Variants in LCLAT1 observed in about 807,000 individuals in gnomAD.
LCLAT1 encodes lysocardiolipin acyltransferase 1, also known as 1-AGP acyltransferase 8.
LCLAT1 carries 11 observed loss-of-function variants against 30.7 expected under a neutral mutation model. The ratio of observed to expected loss-of-function variants is 0.36; its 90% CI spans 0.23 to 0.59. LCLAT1 has a LOEUF of 0.59. LCLAT1 is among the 20% of genes least tolerant of loss of function. The pLI, the probability that LCLAT1 is intolerant of heterozygous loss-of-function variation, is 0.77. For missense variants in LCLAT1, 402 were observed against 458.6 expected, an observed-to-expected ratio of 0.88 and a Z score of 1.13; for synonymous variants, 155 against 151.3, an observed-to-expected ratio of 1.02 and a Z score of -0.18.
At chr2:30,470,250 G>A (rs1682707256) in intron 1 of LCLAT1, among the ~76,000 whole-genome samples, 1 of 152,110 alleles carries the variant, frequency 6.6e-6, no homozygotes, top group East Asian at 1.9e-4. Context: ...AATCTATTGG[G>A]GTAATCGGGG....
intron 1 of LCLAT1, among the ~76,000 whole-genome samples, chr2:30,451,602 G>T (rs549109035): frequency 1.6e-5 from 2 of 127,110 alleles, no homozygotes; most frequent in South Asian, 5.3e-4. Context: ...AGTAAATCGT[G>T]ATATATTTAT....
intron 5 of LCLAT1, among the ~76,000 whole-genome samples, chr2:30,603,356 G>C (rs1485273860): frequency 6.6e-6 from 1 of 151,968 alleles, no homozygotes; most frequent in Non-Finnish European, 1.5e-5. Flanking sequence ...TTAAATTTCA[G>C]ACCAGCAACA....
chr2:30,488,802 C>G (rs1298694015), intron 1 of LCLAT1, among the ~76,000 whole-genome samples: 1 of 152,198 alleles, frequency 6.6e-6, no homozygotes, highest in Non-Finnish European at 1.5e-5. Context: ...CTCAGCAATC[C>G]TGAATTCTGT....
intron 5 of LCLAT1, among the ~76,000 whole-genome samples, chr2:30,613,228 C>T (rs1667825093): frequency 6.6e-6 from 1 of 152,012 alleles, no homozygotes; most frequent in East Asian, 1.9e-4. Context: ...GGTGTTCTCT[C>T]TGAGATGGGC....
chr2:30,585,539 G>A (rs571770265), intron 5 of LCLAT1, among the ~76,000 whole-genome samples: 2 of 152,194 alleles, frequency 1.3e-5, no homozygotes, highest in East Asian at 3.9e-4. Context: ...TTTGGATCTT[G>A]TCTTCAGGAA....
intron 5 of LCLAT1, among the ~76,000 whole-genome samples, chr2:30,636,559 C>A (rs77180994): frequency 0.013 from 2,032 of 152,212 alleles, 45 homozygotes; most frequent in African/African-American, 0.045. Context: ...GCCCTCCCTC[C>A]ACACTCGGTG....
intron 5 of LCLAT1, among the ~76,000 whole-genome samples, chr2:30,621,193 C>T (rs964317203): frequency 6.6e-6 from 1 of 152,100 alleles, no homozygotes; most frequent in African/African-American, 2.4e-5. Context: ...ACTACTCATC[C>T]AGATGTTGAC....
intron 1 of LCLAT1, among the ~76,000 whole-genome samples, chr2:30,514,856 A>T (rs1262357162): frequency 6.6e-6 from 1 of 152,198 alleles, no homozygotes; most frequent in African/African-American, 2.4e-5. Context: ...TCATGTTTAT[A>T]TACATTTCAC....
chr2:30,487,196 T>G (rs57783905), intron 1 of LCLAT1, among the ~76,000 whole-genome samples: 4,450 of 152,302 alleles, frequency 0.029, 95 homozygotes, highest in Middle Eastern at 0.048. Flanking sequence ...GTATTTCCCA[T>G]GGTACCCAGC....
At chr2:30,563,306 A>C (rs1363540530) in intron 4 of LCLAT1, among the ~76,000 whole-genome samples, 1 of 152,224 alleles carries the variant, frequency 6.6e-6, no homozygotes, top group Non-Finnish European at 1.5e-5. Context: ...AGTAGTTTTC[A>C]CACTTTTTAA....
At chr2:30,523,056 A>G (rs920360395) in intron 1 of LCLAT1, among the ~76,000 whole-genome samples, 2 of 152,118 alleles carry the variant, frequency 1.3e-5, no homozygotes, top group African/African-American at 2.4e-5. Context: ...AGCATTATAT[A>G]TGGATACAAC....
chr2:30,539,667 G>A (rs1199713131), intron 3 of LCLAT1, among the ~76,000 whole-genome samples: 2 of 152,106 alleles, frequency 1.3e-5, no homozygotes, highest in African/African-American at 4.8e-5. Context: ...TAAATGGTTT[G>A]TACTTCTTAA....
At chr2:30,597,940 A>G (rs760922051) in intron 5 of LCLAT1, among the ~76,000 whole-genome samples, 2 of 152,164 alleles carry the variant, frequency 1.3e-5, no homozygotes, top group Non-Finnish European at 2.9e-5. Flanking sequence ...GATGAATTAC[A>G]TTTGTTGATT....
chr2:30,575,599 C>G (rs1347377144), intron 5 of LCLAT1, among the ~76,000 whole-genome samples: 2 of 152,104 alleles, frequency 1.3e-5, no homozygotes, highest in African/African-American at 2.4e-5. Context: ...TAATAACTAT[C>G]TTAAGACACT....
At chr2:30,636,059 G>A (rs1248899401) in intron 5 of LCLAT1, among the ~76,000 whole-genome samples, 1 of 152,072 alleles carries the variant, frequency 6.6e-6, no homozygotes, top group Non-Finnish European at 1.5e-5. Context: ...ATTCACAGGG[G>A]GCAAGGCCAC....
rs775716702 is a variant in LCLAT1 at position 30,568,169 on chromosome 2, A to G, written c.621A>G (p.Leu207=). The G allele has an allele frequency of 4.5e-6, 7 of 1,546,056 alleles. No individual in the cohort carries two copies. Among genetic ancestry groups the G allele is most frequent in the Non-Finnish European group, 5.3e-6 (6 of 1,128,508 alleles). ...GCTTTACTTTTGTGGTAGACCGTCT[A>G]AGAGAAGGTAAGCACCCATTTCAAA... ...TTGFTFVVDR[L]REGKNLDAVH... is the part of the protein sequence containing the mutation. Residue 207 remains leucine, a synonymous_variant, in exon 5 of 6, where the codon CTA becomes CTG. Coordinates refer to ENST00000379509, the MANE Select transcript of LCLAT1 (RefSeq NM_001002257.3).
chr2:30,580,293 A>G (rs569112199), intron 5 of LCLAT1, among the ~76,000 whole-genome samples: 3 of 152,278 alleles, frequency 2.0e-5, no homozygotes, highest in Admixed American at 2.0e-4. Context: ...TAGTTGGCCT[A>G]TTTGTAAGGT....
chr2:30,501,821 A>G (rs1412227763), intron 1 of LCLAT1, among the ~76,000 whole-genome samples: 2 of 152,246 alleles, frequency 1.3e-5, no homozygotes, highest in Non-Finnish European at 2.9e-5. Flanking sequence ...ATATTAGAAA[A>G]AAAGATTAAT....
chr2:30,541,532 G>A (rs901760657), intron 3 of LCLAT1, among the ~76,000 whole-genome samples: 9 of 152,048 alleles, frequency 5.9e-5, no homozygotes, highest in Admixed American at 5.2e-4. Flanking sequence ...CATTTTATCA[G>A]GTTTTATTTT....
Sources: gnomAD v4.1 joint callset for allele counts (sites outside exome capture counted in the v4.1 genomes callset) on GRCh38, gnomAD v4.1.1 for gene constraint, MANE v1.5 for transcripts, NCBI Gene and HGNC (gene_info 2026-07-23, HGNC 2026-07-21) for gene names.